TMEM163: variants seen among roughly 807,000 people sequenced by gnomAD.
TMEM163 encodes the protein transmembrane protein 163.
In TMEM163, 17 loss-of-function variants were observed where a neutral mutation model predicts 29.3. That is an observed-to-expected ratio of 0.58 (90% confidence interval 0.40 to 0.87). The LOEUF (loss-of-function observed/expected upper bound fraction) is 0.87. TMEM163 is among the 40% of genes least tolerant of loss of function. The probability of loss-of-function intolerance (pLI) is 0.00; values close to 1 mark genes in which losing one functional copy is unlikely to be tolerated. For missense variants in TMEM163, 303 were observed against 381.5 expected (o/e 0.79, Z 1.71); for synonymous variants, 157 against 160.6 (o/e 0.98, Z 0.17).
At chr2:134,664,737 A>C (rs1391365335) in intron 2 of TMEM163, among the ~76,000 whole-genome samples, 1 of 152,146 alleles carries the variant, frequency 6.6e-6, no homozygotes, top group Non-Finnish European at 1.5e-5. Context: ...AGGGGCAACG[A>C]ATGGCGGATT....
chr2:134,509,202 C>A (rs1443156227), intron 4 of TMEM163, among the ~76,000 whole-genome samples: 1 of 152,206 alleles, frequency 6.6e-6, no homozygotes, highest in Non-Finnish European at 1.5e-5. Flanking sequence ...CTGAGTATTG[C>A]AAATGTGGTT....
intron 4 of TMEM163, among the ~76,000 whole-genome samples, chr2:134,510,613 G>C (rs1558928122): frequency 6.6e-6 from 1 of 152,168 alleles, no homozygotes; most frequent in South Asian, 2.1e-4. Flanking sequence ...TGACTGACTG[G>C]ACACAGGCAG....
intron 5 of TMEM163, among the ~76,000 whole-genome samples, chr2:134,488,006 T>TAA (rs397949314): frequency 8.3e-5 from 12 of 145,134 alleles, no homozygotes; most frequent in Admixed American, 2.7e-4. Context: ...AATCTCCATT[T>TAA]AAAAAAAAAA....
chr2:134,574,789 G>C (rs113895827), intron 2 of TMEM163, among the ~76,000 whole-genome samples: 2,823 of 152,266 alleles, frequency 0.019, 70 homozygotes, highest in African/African-American at 0.062. Flanking sequence ...ACTGCCAGAT[G>C]GCTCGATTTG....
chr2:134,545,823 C>T (rs1157818913), intron 4 of TMEM163, among the ~76,000 whole-genome samples: 1 of 152,206 alleles, frequency 6.6e-6, no homozygotes, highest in Non-Finnish European at 1.5e-5. Flanking sequence ...GTACCCCACG[C>T]CAACAATTAC....
In TMEM163 at chr2:134,507,811, C is replaced by T. The variant is rs963678923; in HGVS notation, c.459-4814G>A. Among the ~76,000 whole-genome samples the T allele has an allele frequency of 2.6e-5, 4 of 152,184 alleles. No individual in the cohort carries two copies. The East Asian group carries it at 5.8e-4, about 22-fold the overall frequency. On this transcript the variant is annotated intron_variant, in intron 4 of 7. Transcript: ENST00000281924. ...GGTTATGGCTATAGTGAGCCATGATCGTGCCACTGCACTGCAGTCTGGGTG... is the reference window on the plus strand; with the variant it reads ...GGTTATGGCTATAGTGAGCCATGATTGTGCCACTGCACTGCAGTCTGGGTG...
intron 2 of TMEM163, among the ~76,000 whole-genome samples, chr2:134,698,957 C>T (rs1022030490): frequency 5.3e-5 from 8 of 152,162 alleles, no homozygotes; most frequent in African/African-American, 1.9e-4. Flanking sequence ...CATTGAGCCA[C>T]TGGATCAATA....
At chr2:134,523,397 T>C (rs534498235) in intron 4 of TMEM163, among the ~76,000 whole-genome samples, 5 of 152,308 alleles carry the variant, frequency 3.3e-5, no homozygotes, top group Admixed American at 1.3e-4. Context: ...TGAGGTGCGG[T>C]ACTCAGTTGT....
intron 4 of TMEM163, among the ~76,000 whole-genome samples, chr2:134,529,056 A>G (rs1680357448): frequency 6.6e-6 from 1 of 152,202 alleles, no homozygotes; most frequent in African/African-American, 2.4e-5. Flanking sequence ...ACCCGGCCAG[A>G]TGCTATGGCT....
chr2:134,483,535 G>A (rs1232839678), intron 5 of TMEM163, among the ~76,000 whole-genome samples: 1 of 152,142 alleles, frequency 6.6e-6, no homozygotes, highest in African/African-American at 2.4e-5. Flanking sequence ...CCATTAGAAA[G>A]GAGGCTCTTT....
intron 2 of TMEM163, among the ~76,000 whole-genome samples, chr2:134,622,867 ATTCT>A (rs1682770450): frequency 6.6e-6 from 1 of 152,090 alleles, no homozygotes. Flanking sequence ...GGTTCAAGCA[ATTCT>A]CCTGCCTCAG....
At chr2:134,520,225 G>A (rs1680164353) in intron 4 of TMEM163, among the ~76,000 whole-genome samples, 1 of 152,168 alleles carries the variant, frequency 6.6e-6, no homozygotes, top group Admixed American at 6.5e-5. Context: ...TGACTGATTT[G>A]TCCATTCATT....
At chr2:134,697,592 G>C (rs1432564897) in intron 2 of TMEM163, among the ~76,000 whole-genome samples, 1 of 151,196 alleles carries the variant, frequency 6.6e-6, no homozygotes, top group African/African-American at 2.4e-5. Context: ...AGCCTCCCAA[G>C]TAGCTGGGAT....
intron 7 of TMEM163, 72 bp from the exon 8 acceptor site, chr2:134,456,848 T>A (rs79469708): frequency 2.8e-5 from 24 of 845,614 alleles, no homozygotes; most frequent in Non-Finnish European, 3.8e-5. Flanking sequence ...CGTATTTTCA[T>A]TTTTTTTTTC....
chr2:134,484,930 A>G (rs947521756), intron 5 of TMEM163, among the ~76,000 whole-genome samples: 5 of 152,230 alleles, frequency 3.3e-5, no homozygotes, highest in African/African-American at 1.2e-4. Flanking sequence ...GTTACTTTCT[A>G]TAATAAGCCT....
chr2:134,483,094 G>A (rs1051421919), intron 5 of TMEM163, among the ~76,000 whole-genome samples: 8 of 152,180 alleles, frequency 5.3e-5, no homozygotes, highest in Non-Finnish European at 1.0e-4. Context: ...CCAGCTCCGT[G>A]ACAATGAGGG....
chr2:134,617,437 C>T (rs1004157628), intron 2 of TMEM163, among the ~76,000 whole-genome samples: 3 of 151,966 alleles, frequency 2.0e-5, no homozygotes, highest in Non-Finnish European at 4.4e-5. Context: ...ATGTACTCTA[C>T]TAAAAAAGTA....
chr2:134,681,673 C>T (rs1024605569), intron 2 of TMEM163, among the ~76,000 whole-genome samples: 1 of 152,188 alleles, frequency 6.6e-6, no homozygotes, highest in Non-Finnish European at 1.5e-5. Context: ...AGACAGTATA[C>T]TCTTGGTTTA....
intron 2 of TMEM163, among the ~76,000 whole-genome samples, chr2:134,675,091 A>T (rs1684086935): frequency 1.3e-5 from 2 of 152,254 alleles, no homozygotes; most frequent in Non-Finnish European, 2.9e-5. Flanking sequence ...GACAGGATTA[A>T]GCATCACTTT....
Sources: allele counts gnomAD v4.1 joint callset (sites outside exome capture counted in the v4.1 genomes callset), GRCh38; gene constraint gnomAD v4.1.1; transcripts MANE v1.5; gene names NCBI Gene and HGNC (gene_info 2026-07-23, HGNC 2026-07-21).